The following AHCY variants were observed in gnomAD, a reference collection of about 807,000 sequenced individuals.
AHCY encodes adenosylhomocysteinase, also known as S-adenosyl-L-homocysteine hydrolase.
Under a neutral mutation model 45.4 loss-of-function variants are expected in AHCY, and 24 were observed. That is an observed-to-expected ratio of 0.53 (90% CI 0.38 to 0.74). The LOEUF is 0.74. AHCY is among the 30% of genes least tolerant of loss of function. The pLI is 0.00. For missense variants in AHCY, 449 were observed against 594.1 expected (o/e 0.76, Z 2.54); for synonymous variants, 245 against 235.1 (o/e 1.04, Z -0.39).
chr20:34,287,245 G>A (rs2036217328), intron 8 of AHCY, among the ~76,000 whole-genome samples: 1 of 152,150 alleles, frequency 6.6e-6, no homozygotes, highest in African/African-American at 2.4e-5. Context: ...CGTCAACCTG[G>A]ACTCTACCCT....
downstream of AHCY, among the ~76,000 whole-genome samples, chr20:34,278,516 C>T (rs2035930723): frequency 6.6e-6 from 1 of 152,160 alleles, no homozygotes; most frequent in Admixed American, 6.5e-5. Context: ...GCAGCCACCC[C>T]AGTAGAAGAA....
At chr20:34,302,020 A>G in intron 1 of AHCY, 1 of 451,488 alleles carries the variant, frequency 2.2e-6, no homozygotes. Context: ...TTTTTTTTTG[A>G]GACAGGGTCT....
intron 8 of AHCY, among the ~76,000 whole-genome samples, chr20:34,289,638 C>T (rs540717518): frequency 7.8e-4 from 119 of 152,058 alleles, no homozygotes; most frequent in Admixed American, 1.4e-3. Context: ...CCACCACACC[C>T]GGCTAATTTT....
intron 5 of AHCY, 129 bp from the exon 6 acceptor site, chr20:34,291,067 C>T (rs2036370620): frequency 1.2e-6 from 1 of 820,870 alleles, no homozygotes; most frequent in Non-Finnish European, 2.0e-6. Context: ...TGGGCTGAAC[C>T]CCTCCAGCAC....
chr20:34,291,731 TG>T (rs2036401957), intron 4 of AHCY, among the ~76,000 whole-genome samples, 200 bp from the exon 5 acceptor site: 2 of 152,168 alleles, frequency 1.3e-5, no homozygotes, highest in South Asian at 4.1e-4. Context: ...CCAGGCCTAG[TG>T]ACTCTGCCTC....
chr20:34,259,606 C>T, the AHCY span, among the ~76,000 whole-genome samples: 1 of 151,978 alleles, frequency 6.6e-6, no homozygotes, highest in Non-Finnish European at 1.5e-5. Context: ...ATTAGCCTGG[C>T]ATAGTGATGG....
the AHCY span, among the ~76,000 whole-genome samples, chr20:34,235,836 A>AAG: frequency 1.6e-5 from 1 of 64,190 alleles, no homozygotes; most frequent in African/African-American, 1.6e-4. Flanking sequence ...AAAGAAAGAA[A>AAG]GAAAGAAGGA....
chr20:34,285,867 G>C (rs1016060808), intron 8 of AHCY, among the ~76,000 whole-genome samples: 1 of 152,092 alleles, frequency 6.6e-6, no homozygotes, highest in Non-Finnish European at 1.5e-5. Context: ...TTGGAAGGCC[G>C]AGGCAGGCGG....
At chr20:34,301,994 CTTTT>C in intron 1 of AHCY, 5 of 952,356 alleles carry the variant, frequency 5.3e-6, no homozygotes, top group Non-Finnish European at 6.1e-6. Flanking sequence ...TTAATAGTGT[CTTTT>C]TTTGTTTGTT....
At chr20:34,277,027 A>G (rs1160507199), downstream of AHCY, among the ~76,000 whole-genome samples, 1 of 152,060 alleles carries the variant, frequency 6.6e-6, no homozygotes, top group Non-Finnish European at 1.5e-5. Flanking sequence ...TGGCATCAAC[A>G]GTCCCCGTGA....
At chr20:34,310,942 A>G (rs951249902) in intron 1 of AHCY, among the ~76,000 whole-genome samples, 4 of 152,174 alleles carry the variant, frequency 2.6e-5, no homozygotes, top group African/African-American at 9.7e-5. Flanking sequence ...CCTGGCCAAC[A>G]TGGCGAAATC....
the AHCY span, among the ~76,000 whole-genome samples, chr20:34,239,442 C>T: frequency 6.6e-6 from 1 of 152,178 alleles, no homozygotes; most frequent in Non-Finnish European, 1.5e-5. Flanking sequence ...TTCTCGAACT[C>T]CTGACCTCAG....
the AHCY span, among the ~76,000 whole-genome samples, chr20:34,238,539 A>G: frequency 4.0e-5 from 6 of 151,764 alleles, no homozygotes; most frequent in Non-Finnish European, 5.9e-5. Context: ...ATCTCTATTG[A>G]TATTCCCCTT....
Position 34,303,281 on chromosome 20 carries a change from C to A in AHCY, c.-11G>T. 1.3e-6 allele frequency: 2 copies of A among 1,551,752 alleles called. No individual in the cohort carries two copies. Among genetic ancestry groups the A allele is most frequent in the East Asian group, 2.4e-5 (1 of 40,920 alleles). ...CAGTTTGTCAGACATGCTGGCGGCA[C>A]TCGTGATGGAAACGGGCGAAGGGGG... On this transcript the variant is annotated 5_prime_UTR_variant, in exon 1 of 10. Coordinates refer to ENST00000217426, the MANE Select transcript of AHCY (RefSeq NM_000687.4).
At chr20:34,245,132 G>C in the AHCY span, among the ~76,000 whole-genome samples, 8 of 151,780 alleles carry the variant, frequency 5.3e-5, no homozygotes, top group African/African-American at 1.9e-4. Flanking sequence ...TCAGGAGTTC[G>C]AGACCAGCCT....
chr20:34,292,244 C>G (rs1040282850), intron 4 of AHCY, 114 bp downstream of exon 4: 1 of 1,378,894 alleles, frequency 7.3e-7, no homozygotes. Context: ...CTCCCATCTT[C>G]CAGATCCTGC....
At chr20:34,292,927 A>G (rs1305394903) in intron 3 of AHCY, among the ~76,000 whole-genome samples, 2 of 152,056 alleles carry the variant, frequency 1.3e-5, no homozygotes, top group Non-Finnish European at 2.9e-5. Context: ...TTGATACCCC[A>G]CAACGCCTCC....
chr20:34,294,030 A>AG (rs1461906578), intron 3 of AHCY, 51 bp downstream of exon 3: 1 of 1,567,086 alleles, frequency 6.4e-7, no homozygotes, highest in Admixed American at 1.7e-5. Flanking sequence ...TGAAGCAAAG[A>AG]GGGCAGAATC....
intron 8 of AHCY, among the ~76,000 whole-genome samples, chr20:34,288,642 G>A (rs1350663139): frequency 1.3e-5 from 2 of 151,868 alleles, no homozygotes; most frequent in African/African-American, 4.8e-5. Context: ...CTGCCCTCTA[G>A]CTTGGGTAAC....
Sources: gnomAD v4.1 joint callset for allele counts (sites outside exome capture counted in the v4.1 genomes callset) on GRCh38, gnomAD v4.1.1 for gene constraint, MANE v1.5 for transcripts, NCBI Gene and HGNC (gene_info 2026-07-23, HGNC 2026-07-21) for gene names.